The following SANBR variants were observed in gnomAD, a reference collection of about 807,000 sequenced individuals.
SANBR encodes the protein SANT and BTB domain regulator of CSR, also known as SANT and BTB domain regulator of class switch recombination.
In SANBR, 77 loss-of-function variants were observed where a neutral mutation model predicts 101.8. That is an observed-to-expected ratio of 0.76 (90% confidence interval 0.63 to 0.91). The LOEUF (loss-of-function observed/expected upper bound fraction) is 0.91. SANBR is among the 40% of genes least tolerant of loss of function. The pLI is 0.00. For synonymous variants in SANBR, 279 were observed against 274.7 expected (o/e 1.02, Z -0.15); for missense variants, 875 against 853.0 (o/e 1.03, Z -0.32).
chr2:61,109,303 G>T lies in SANBR; in HGVS notation c.1744+7G>T. On this transcript the variant is annotated splice_region_variant and intron_variant, in intron 16 of 21. Coordinates refer to ENST00000402291, the MANE Select transcript of SANBR (RefSeq NM_001129993.3). ...GAAGTATCCAAGAAACAAAGTATTG[G>T]TTTATAAGTTAAAATCAAATCTCCC... 6.8e-7 allele frequency: 1 copy of T among 1,473,488 alleles called. No homozygotes were observed. The highest frequency in any genetic ancestry group is 9.3e-7 in the Non-Finnish European group (1 of 1,077,372). 91.3% of individuals were successfully genotyped at this position (1,473,488 alleles called of 1,614,324 possible). A position where few individuals can be genotyped will look rare whatever the true frequency, so the allele number is the denominator to read the frequency against.
At chr2:61,094,166 C>A in intron 11 of SANBR, 1 of 656,316 alleles carries the variant, frequency 1.5e-6, no homozygotes, top group South Asian at 6.8e-5. Flanking sequence ...CAGTAAAATG[C>A]ATCCTTTTTG....
chr2:61,122,983 A>G lies in SANBR; in HGVS notation c.*821A>G. The G allele has an allele frequency of 2.0e-6, 2 of 984,378 alleles. No homozygotes were observed. The highest frequency in any genetic ancestry group is 2.4e-6 in the Non-Finnish European group (2 of 828,848). The allele number at this position is 984,378 out of a possible 1,614,324, so 61.0% of individuals were successfully genotyped here. ...TCTAAAACCCAACCATATTTCTGTA[A>G]CCATTCAAATAACTCCTTAAAACAG... On this transcript the variant is annotated 3_prime_UTR_variant, in exon 22 of 22. Coordinates refer to ENST00000402291, the MANE Select transcript of SANBR (RefSeq NM_001129993.3).
At chr2:61,108,946 A>G (rs1305646650) in intron 15 of SANBR, among the ~76,000 whole-genome samples, 11 of 152,208 alleles carry the variant, frequency 7.2e-5, no homozygotes, top group Admixed American at 7.2e-4. Context: ...CAATTCAACA[A>G]ATACTGAGTA....
At chr2:61,068,631 T>G (rs1303661872) in intron 1 of SANBR, among the ~76,000 whole-genome samples, 2 of 152,220 alleles carry the variant, frequency 1.3e-5, no homozygotes, top group Non-Finnish European at 2.9e-5. Flanking sequence ...TGTAGCTGAC[T>G]CTTTCTAGTC....
intron 8 of SANBR, among the ~76,000 whole-genome samples, chr2:61,084,846 G>A (rs1302574644): frequency 6.6e-6 from 1 of 152,080 alleles, no homozygotes; most frequent in African/African-American, 2.4e-5. Context: ...GGGTAGAAAC[G>A]GTAGAGCTGG....
intron 5 of SANBR, among the ~76,000 whole-genome samples, chr2:61,073,918 C>T (rs1414395279): frequency 1.3e-5 from 2 of 151,972 alleles, no homozygotes; most frequent in Non-Finnish European, 2.9e-5. Flanking sequence ...AACATAATAA[C>T]TCATTATAGA....
chr2:61,081,648 A>C (rs1392197904), intron 7 of SANBR, 138 bp downstream of exon 7: 23 of 1,004,696 alleles, frequency 2.3e-5, no homozygotes, highest in Non-Finnish European at 3.0e-5. Context: ...TTAATTCAGG[A>C]ATATAATTTC....
chr2:61,084,523 C>T (rs924675632), intron 8 of SANBR, among the ~76,000 whole-genome samples: 1 of 152,106 alleles, frequency 6.6e-6, no homozygotes, highest in African/African-American at 2.4e-5. Context: ...AAAGCCACTG[C>T]ACTCCAGCCT....
At chr2:61,071,549 CAAAAA>C in intron 3 of SANBR, 52 bp from the exon 4 acceptor site, 15 of 942,800 alleles carry the variant, frequency 1.6e-5, no homozygotes, top group African/African-American at 2.4e-5. Context: ...GACTCCGTCT[CAAAAA>C]AAAAAAAAAA....
downstream of SANBR, among the ~76,000 whole-genome samples, chr2:61,125,687 A>G (rs1684494113): frequency 6.6e-6 from 1 of 152,200 alleles, no homozygotes. Flanking sequence ...AATTCTTACC[A>G]AACTGAAGGT....
intron 1 of SANBR, among the ~76,000 whole-genome samples, chr2:61,066,694 C>T (rs1000553736): frequency 1.3e-5 from 2 of 152,194 alleles, no homozygotes; most frequent in African/African-American, 2.4e-5. Context: ...TAAGGGAAAA[C>T]GTCTCTGTCT....
chr2:61,102,158 G>C (rs895295814), intron 12 of SANBR, among the ~76,000 whole-genome samples: 7 of 151,686 alleles, frequency 4.6e-5, no homozygotes, highest in Non-Finnish European at 7.4e-5. Flanking sequence ...CAGATCATGA[G>C]GTCAAGAGAT....
chr2:61,106,690 T>C (rs1296824614), intron 14 of SANBR, 28 bp downstream of exon 14: 1 of 1,264,866 alleles, frequency 7.9e-7, no homozygotes, highest in African/African-American at 1.5e-5. Flanking sequence ...ACTTATTCTT[T>C]ATTTACATAA....
intron 7 of SANBR, among the ~76,000 whole-genome samples, chr2:61,082,081 AGGCT>A (rs1330550185): frequency 1.3e-5 from 2 of 152,110 alleles, no homozygotes; most frequent in African/African-American, 4.8e-5. Flanking sequence ...TATGTTACCC[AGGCT>A]GGTCTCAAAC....
intron 8 of SANBR, among the ~76,000 whole-genome samples, chr2:61,086,411 A>G (rs1682432516): frequency 6.6e-6 from 1 of 152,052 alleles, no homozygotes; most frequent in African/African-American, 2.4e-5. Context: ...GCTATTGTAA[A>G]TGCTACTGTA....
Position 61,070,406 on chromosome 2 carries a change from T to C in SANBR, c.56T>C (p.Val19Ala). 3.7e-6 allele frequency: 6 copies of C among 1,601,718 alleles called. No individual in the cohort carries two copies. The highest frequency in any genetic ancestry group is 5.1e-6 in the Non-Finnish European group (6 of 1,174,870). Reference sequence around the variant, plus strand: ...TTCCTGAACAATAATAACCAAATGGTATTGGACATGATCCTTTATCCATTA... The same window carrying C: ...TTCCTGAACAATAATAACCAAATGGCATTGGACATGATCCTTTATCCATTA... ...NNFLNNNNQM[V>A]LDMILYPLIG... The change falls in exon 3 of 22, where the codon GTA becomes GCA. Residue 19 changes from valine (V) to alanine (A), a missense_variant. Physicochemically the swap from Val to Ala is moderately conservative, Grantham distance 64. Transcript: ENST00000402291.
Position 61,124,207 on chromosome 2 carries a change from G to A in SANBR, c.*2045G>A. The A allele has an allele frequency of 1.0e-6, 1 of 978,112 alleles. No homozygotes were observed. Among genetic ancestry groups the A allele is most frequent in the Non-Finnish European group, 1.2e-6 (1 of 823,222 alleles). 60.6% of individuals were successfully genotyped at this position (978,112 alleles called of 1,614,324 possible). A position where few individuals can be genotyped will look rare whatever the true frequency, so the allele number is the denominator to read the frequency against. On this transcript the variant is annotated 3_prime_UTR_variant, in exon 22 of 22. Coordinates refer to ENST00000402291, the MANE Select transcript of SANBR (RefSeq NM_001129993.3). Reference sequence around the variant, plus strand: ...ACTCTTAATAGCATTTCTTTCGCCAGATACTTTAATATTTCACCTTACATT... The same window carrying A: ...ACTCTTAATAGCATTTCTTTCGCCAAATACTTTAATATTTCACCTTACATT...
chr2:61,097,948 T>A, intron 12 of SANBR, 96 bp downstream of exon 12: 2 of 964,792 alleles, frequency 2.1e-6, no homozygotes, highest in Non-Finnish European at 1.5e-6. Flanking sequence ...ATAAATATAG[T>A]AAGAAGCCGT....
chr2:61,076,915 T>G lies in SANBR; in HGVS notation c.432-5T>G. Reference sequence around the variant, plus strand: ...ATTTCATTTTTGTGTAACATTTTTATGAAGGCCAAACATGGTGATCCATGT... The same window carrying G: ...ATTTCATTTTTGTGTAACATTTTTAGGAAGGCCAAACATGGTGATCCATGT... On this transcript the variant is annotated splice_region_variant and splice_polypyrimidine_tract_variant and intron_variant, in intron 5 of 21. Coordinates refer to ENST00000402291, the MANE Select transcript of SANBR (RefSeq NM_001129993.3). 6.3e-7 allele frequency: 1 copy of G among 1,594,748 alleles called. No homozygotes were observed. Among genetic ancestry groups the G allele is most frequent in the Non-Finnish European group, 8.6e-7 (1 of 1,167,960 alleles).
Sources: allele counts gnomAD v4.1 joint callset (sites outside exome capture counted in the v4.1 genomes callset), GRCh38; gene constraint gnomAD v4.1.1; transcripts MANE v1.5; gene names NCBI Gene and HGNC (gene_info 2026-07-23, HGNC 2026-07-21).